Variants in PKHD1 observed in about 807,000 individuals in gnomAD.
PKHD1 encodes PKHD1 ciliary IPT domain containing fibrocystin/polyductin.
Under a neutral mutation model 412.0 loss-of-function variants are expected in PKHD1, and 291 were observed. That is an observed-to-expected ratio of 0.71 (90% CI 0.64 to 0.78). The LOEUF (loss-of-function observed/expected upper bound fraction) is 0.78. Ranked by LOEUF, PKHD1 falls within the 30% of genes least tolerant of loss-of-function variation. The pLI is 0.00. For missense variants in PKHD1, 4,825 were observed against 4,950.7 expected (o/e 0.97, Z 0.76); for synonymous variants, 1,777 against 1,821.5 (o/e 0.98, Z 0.62).
chr6:51,869,615 A>AT (rs1001905943), intron 47 of PKHD1, among the ~76,000 whole-genome samples: 9 of 152,100 alleles, frequency 5.9e-5, no homozygotes, highest in African/African-American at 1.7e-4. Context: ...GAGTAGTGTG[A>AT]TTTTTTTTCA....
intron 6 of PKHD1, 74 bp downstream of exon 6, chr6:52,076,202 C>T (rs1228062146): frequency 4.0e-6 from 4 of 1,007,952 alleles, no homozygotes; most frequent in Non-Finnish European, 6.4e-6. Flanking sequence ...TCATAAAAAC[C>T]ACTCACCTAG....
chr6:52,011,188 GTAGCA>G (rs949069287), intron 34 of PKHD1, among the ~76,000 whole-genome samples: 4 of 152,210 alleles, frequency 2.6e-5, no homozygotes, highest in Admixed American at 2.6e-4. Flanking sequence ...AAACAGCAGT[GTAGCA>G]TTACAGAAAG....
chr6:51,883,621 A>G (rs1464947484), intron 45 of PKHD1, among the ~76,000 whole-genome samples: 1 of 152,234 alleles, frequency 6.6e-6, no homozygotes, highest in Admixed American at 6.5e-5. Context: ...AAGATTGCAA[A>G]TATGAAATAA....
intron 60 of PKHD1, among the ~76,000 whole-genome samples, chr6:51,680,787 T>C (rs755449454): frequency 6.6e-6 from 1 of 152,024 alleles, no homozygotes; most frequent in Non-Finnish European, 1.5e-5. Context: ...TAGTGAAAAG[T>C]CACAAATATA....
rs762811905 is a variant in PKHD1, at chr6:51,836,377, A to G, written c.8173+27T>C. The stretch of plus-strand genomic sequence containing the variant: ...TGGAGGACATTCTGCCATACTAGAC[A>G]CTTCTACTTCGTGTGTTAATACTCA... On this transcript the variant is annotated intron_variant, in intron 51 of 66. Transcript: ENST00000371117. 3.4e-6 allele frequency: 5 copies of G among 1,470,262 alleles called. No individual in the cohort carries two copies. In the Admixed American group the frequency reaches 6.7e-5, roughly 20 times the overall value. The allele number at this position is 1,470,262 out of a possible 1,614,324, so 91.1% of individuals were successfully genotyped here.
chr6:51,743,568 G>A (rs1329572369), intron 60 of PKHD1, among the ~76,000 whole-genome samples: 6 of 152,158 alleles, frequency 3.9e-5, no homozygotes, highest in Non-Finnish European at 5.9e-5. Flanking sequence ...ATCAGCATTT[G>A]ATGGTATTTC....
chr6:51,715,429 G>A (rs1416417452), intron 60 of PKHD1, among the ~76,000 whole-genome samples: 2 of 152,022 alleles, frequency 1.3e-5, no homozygotes, highest in Non-Finnish European at 1.5e-5. Flanking sequence ...AAAGGCCACC[G>A]CAATTTTGAT....
At chr6:51,670,260 G>A (rs1774686930) in intron 60 of PKHD1, among the ~76,000 whole-genome samples, 1 of 152,056 alleles carries the variant, frequency 6.6e-6, no homozygotes, top group Admixed American at 6.6e-5. Flanking sequence ...ATTTAGGATA[G>A]TTAGCTCTTC....
intron 52 of PKHD1, among the ~76,000 whole-genome samples, chr6:51,817,047 G>A (rs1302787970): frequency 3.4e-5 from 5 of 147,390 alleles, no homozygotes; most frequent in Non-Finnish European, 6.0e-5. Context: ...CGTTTTATCC[G>A]AGGAGCAAGA....
chr6:51,821,597 A>G (rs1766433617), intron 52 of PKHD1, among the ~76,000 whole-genome samples: 1 of 152,236 alleles, frequency 6.6e-6, no homozygotes, highest in African/African-American at 2.4e-5. Flanking sequence ...AACTCATTCT[A>G]AGAGTTATAC....
chr6:51,795,817 TC>T (rs1168566305), intron 52 of PKHD1, among the ~76,000 whole-genome samples: 2 of 152,214 alleles, frequency 1.3e-5, no homozygotes, highest in African/African-American at 4.8e-5. Context: ...GTGTAGTGAA[TC>T]ACATTTACTG....
chr6:51,792,264 C>T (rs2151269886), intron 52 of PKHD1, among the ~76,000 whole-genome samples: 1 of 152,222 alleles, frequency 6.6e-6, no homozygotes, highest in Non-Finnish European at 1.5e-5. Context: ...TGAAATTTAG[C>T]AGTAATTCAA....
At chr6:51,883,033 C>T (rs1264770327) in intron 46 of PKHD1, 60 bp downstream of exon 46, 20 of 1,320,682 alleles carry the variant, frequency 1.5e-5, no homozygotes, top group Non-Finnish European at 4.4e-6. Context: ...CATCAGGGGG[C>T]CCAGCACATG....
In PKHD1 at chr6:51,779,399, G is replaced by A. The variant is rs1179273889; in HGVS notation, c.8441-3478C>T. ...GAAATGCCCTTGTCAACTAAGTCTGGGTTAAGTGACCTTCTAAGGGCTATC... is the reference window on the plus strand; with the variant it reads ...GAAATGCCCTTGTCAACTAAGTCTGAGTTAAGTGACCTTCTAAGGGCTATC... On this transcript the variant is annotated intron_variant, in intron 53 of 66. Transcript: ENST00000371117. Among the ~76,000 whole-genome samples, 3 of 152,106 alleles carry A rather than the reference G, an allele frequency of 2.0e-5. No individual in the cohort carries two copies. The South Asian group carries it at 6.2e-4, about 32-fold the overall frequency.
chr6:51,867,150 T>C (rs574412238), intron 48 of PKHD1, among the ~76,000 whole-genome samples: 2 of 152,232 alleles, frequency 1.3e-5, no homozygotes, highest in Admixed American at 1.3e-4. Context: ...TTAGGACACT[T>C]AAGACAAAGG....
At chr6:51,901,661 A>T (rs1374780354) in intron 43 of PKHD1, among the ~76,000 whole-genome samples, 1 of 148,292 alleles carries the variant, frequency 6.7e-6, no homozygotes, top group Admixed American at 6.9e-5. Context: ...CCTAAAACTT[A>T]AAGTATAATA....
intron 36 of PKHD1, among the ~76,000 whole-genome samples, chr6:51,936,134 A>C (rs1787440619): frequency 6.6e-6 from 1 of 152,162 alleles, no homozygotes; most frequent in Non-Finnish European, 1.5e-5. Context: ...AGTGGCTGGT[A>C]GGTAGTTGGC....
intron 61 of PKHD1, among the ~76,000 whole-genome samples, chr6:51,657,570 T>C (rs1379996635): frequency 6.6e-6 from 1 of 152,186 alleles, no homozygotes; most frequent in Non-Finnish European, 1.5e-5. Flanking sequence ...CACTTTGAAC[T>C]GTTTCTTATT....
intron 52 of PKHD1, among the ~76,000 whole-genome samples, chr6:51,818,240 C>T (rs1013159506): frequency 1.3e-5 from 2 of 152,194 alleles, no homozygotes; most frequent in Admixed American, 6.5e-5. Flanking sequence ...CAGTCACTTA[C>T]TGCTTGCAAT....
Sources: gnomAD v4.1 joint callset for allele counts (sites outside exome capture counted in the v4.1 genomes callset) on GRCh38, gnomAD v4.1.1 for gene constraint, MANE v1.5 for transcripts, NCBI Gene and HGNC (gene_info 2026-07-23, HGNC 2026-07-21) for gene names.